JAKMIP1: variants seen among roughly 807,000 people sequenced by gnomAD.
JAKMIP1 encodes the protein janus kinase and microtubule interacting protein 1.
Under a neutral mutation model 113.0 loss-of-function variants are expected in JAKMIP1, and 33 were observed. The observed-to-expected ratio is 0.29, with a 90% CI of 0.22 to 0.39. The LOEUF is 0.39. JAKMIP1 is among the 10% of genes least tolerant of loss of function. The pLI is 1.00. For missense variants in JAKMIP1, 813 were observed against 1,080.5 expected (o/e 0.75, Z 3.47); for synonymous variants, 480 against 459.9 (o/e 1.04, Z -0.56).
chr4:6,102,548 A>T (rs1713220284), intron 3 of JAKMIP1, among the ~76,000 whole-genome samples: 1 of 152,048 alleles, frequency 6.6e-6, no homozygotes, highest in African/African-American at 2.4e-5. Flanking sequence ...TAGATCTTGG[A>T]CTTCCCAGCC....
In JAKMIP1 at chr4:6,139,532, C is replaced by G. The variant is rs1719789095; in HGVS notation, c.-147-26535G>C. ...CCTGTAACCCCAGCACTTTGGGAGG[C>G]TGAGGCAGGCGGATCACAAAGTCAG... On this transcript the variant is annotated intron_variant, in intron 1 of 20. Transcript: ENST00000409021. The surrounding 1 kb of genome is among the most constrained non-coding windows in gnomAD (Gnocchi z 5.2). Among the ~76,000 whole-genome samples the G allele has an allele frequency of 6.6e-6, 1 of 152,084 alleles. No individual in the cohort carries two copies. Among genetic ancestry groups the G allele is most frequent in the South Asian group, 2.1e-4 (1 of 4,828 alleles).
chr4:6,195,025 G>A (rs922741724), intron 1 of JAKMIP1, among the ~76,000 whole-genome samples: 6 of 152,320 alleles, frequency 3.9e-5, no homozygotes, highest in Non-Finnish European at 7.4e-5. Context: ...TTTCACCTCC[G>A]TTCTTTAGTC....
At chr4:6,105,085 A>G (rs1322986125) in intron 3 of JAKMIP1, among the ~76,000 whole-genome samples, 1 of 152,152 alleles carries the variant, frequency 6.6e-6, no homozygotes, top group African/African-American at 2.4e-5. Flanking sequence ...GACTATTTGC[A>G]ATTTATATGT....
At chr4:6,057,494 A>T (rs1343600300) in intron 11 of JAKMIP1, among the ~76,000 whole-genome samples, 2 of 152,078 alleles carry the variant, frequency 1.3e-5, no homozygotes, top group African/African-American at 2.4e-5. Flanking sequence ...AAGCACATGG[A>T]ATGCACAGAA....
rs1159816501 is a variant in JAKMIP1, at chr4:6,069,796, G to A, written c.1303-4788C>T. 2.6e-5 allele frequency among the ~76,000 whole-genome samples: 4 copies of A among 151,306 alleles called. No individual in the cohort carries two copies. The highest frequency in any genetic ancestry group is 7.3e-5 in the African/African-American group (3 of 40,986). On this transcript the variant is annotated intron_variant, in intron 8 of 20. Coordinates refer to ENST00000409021, the MANE Select transcript of JAKMIP1 (RefSeq NM_001099433.2). The surrounding 1 kb of genome is among the most constrained non-coding windows in gnomAD (Gnocchi z 4.5). The stretch of plus-strand genomic sequence containing the variant: ...ATTCAGTTTTGGCAAAATGAATGAA[G>A]AGTAAACATGTCTCCTCCATTTACA...
intron 1 of JAKMIP1, among the ~76,000 whole-genome samples, chr4:6,165,900 T>A (rs961664011): frequency 6.6e-6 from 1 of 152,006 alleles, no homozygotes; most frequent in African/African-American, 2.4e-5. Flanking sequence ...AATGAAAGGG[T>A]CAGCACCTCC....
At chr4:6,124,791 C>T (rs945886509) in intron 1 of JAKMIP1, among the ~76,000 whole-genome samples, 2 of 152,374 alleles carry the variant, frequency 1.3e-5, no homozygotes, top group African/African-American at 4.8e-5. Flanking sequence ...TTCTAACTGT[C>T]CCCAGTACTT....
Position 6,094,237 on chromosome 4 carries a change from G to T in JAKMIP1, c.625-8608C>A, listed in dbSNP as rs571181725. Among the ~76,000 whole-genome samples the T allele has an allele frequency of 1.3e-5, 2 of 152,330 alleles. No homozygotes were observed. Among genetic ancestry groups the T allele is most frequent in the Non-Finnish European group, 2.9e-5 (2 of 68,024 alleles). ...ACAATCTGTGCTAGCCCTGGGTCTA[G>T]CTCACAGCAGGTGCTCACCAAATGG... On this transcript the variant is annotated intron_variant, in intron 3 of 20. Transcript: ENST00000409021. The surrounding 1 kb of genome is among the most constrained non-coding windows in gnomAD (Gnocchi z 4.2).
At position 6,084,967 on chromosome 4, in the gene JAKMIP1, TAAAAAAA is replaced by T; in HGVS notation, c.835-9_835-3del. On this transcript the variant is annotated splice_region_variant and splice_polypyrimidine_tract_variant and intron_variant, in intron 4 of 20. Coordinates refer to ENST00000409021, the MANE Select transcript of JAKMIP1 (RefSeq NM_001099433.2). ...ATCTCGCTCGTCCATATGTTGATCC[TAAAAAAA>T]AAAAAAAAAAAAAAAAAAAAGTCAA... 1.2e-4 allele frequency: 45 copies of T among 377,432 alleles called. No individual in the cohort carries two copies. Among genetic ancestry groups the T allele is most frequent in the Non-Finnish European group, 1.3e-4 (41 of 308,126 alleles). The allele number at this position is 377,432 out of a possible 1,614,324, so 23.4% of individuals were successfully genotyped here. A position where few individuals can be genotyped will look rare whatever the true frequency, so the allele number is the denominator to read the frequency against.
rs1721506414 is a variant in JAKMIP1, at chr4:6,151,000, T to C, written c.-147-38003A>G. Among the ~76,000 whole-genome samples, 1 of 152,044 alleles carries C rather than the reference T, an allele frequency of 6.6e-6. No homozygotes were observed. The highest frequency in any genetic ancestry group is 2.4e-5 in the African/African-American group (1 of 41,396). ...GAAGGCTGCTGGGGATGGCAGCTCTTTCTCCCCAAGCTTTGGCTTCTATGT... is the reference window on the plus strand; with the variant it reads ...GAAGGCTGCTGGGGATGGCAGCTCTCTCTCCCCAAGCTTTGGCTTCTATGT... On this transcript the variant is annotated intron_variant, in intron 1 of 20. Transcript: ENST00000409021. The surrounding 1 kb of genome is among the most constrained non-coding windows in gnomAD (Gnocchi z 4.8).
intron 2 of JAKMIP1, among the ~76,000 whole-genome samples, chr4:6,111,136 C>T (rs2108886816): frequency 6.6e-6 from 1 of 152,136 alleles, no homozygotes; most frequent in Admixed American, 6.5e-5. Flanking sequence ...AGCCAGATCC[C>T]AGGCCCCAGC....
intron 17 of JAKMIP1, among the ~76,000 whole-genome samples, chr4:6,041,392 AG>A (rs1714297559): frequency 6.6e-6 from 1 of 152,158 alleles, no homozygotes; most frequent in African/African-American, 2.4e-5. Flanking sequence ...GGCATCAGTC[AG>A]GGCTCTTGCC....
chr4:6,112,598 G>C, intron 2 of JAKMIP1, 124 bp downstream of exon 2: 1 of 1,147,572 alleles, frequency 8.7e-7, no homozygotes, highest in Non-Finnish European at 1.3e-6. Flanking sequence ...GCAGGGCAGA[G>C]AGGTGAAGTG....
At position 6,036,013 on chromosome 4, in the gene JAKMIP1, T is replaced by A. The variant is rs960126376; in HGVS notation, c.2270A>T (p.Asp757Val). The A allele has an allele frequency of 3.2e-6, 5 of 1,552,158 alleles. No homozygotes were observed. Among genetic ancestry groups the A allele is most frequent in the Non-Finnish European group, 4.4e-6 (5 of 1,147,344 alleles). Residue 757 changes from aspartate to valine, a missense_variant, in exon 19 of 21, where the codon GAC (aspartate) becomes GTC (valine). By Grantham distance (152) the Asp-to-Val change is radical. Coordinates refer to ENST00000409021, the MANE Select transcript of JAKMIP1 (RefSeq NM_001099433.2). ...CACCTTTTCCACAGCAGCCTGCAGG[T>A]CCTCCCGCTGGCCCTCGCTCAGCGC... ...GEALSEGQRE[D>V]LQAAVEKVRR...
At position 6,182,813 on chromosome 4, in the gene JAKMIP1, A is replaced by G. The variant is rs939324131; in HGVS notation, c.-148+17440T>C. 6.3e-4 allele frequency among the ~76,000 whole-genome samples: 96 copies of G among 152,282 alleles called. 1 individual carries two copies. Among genetic ancestry groups the G allele is most frequent in the African/African-American group, 2.3e-3 (94 of 41,564 alleles). ...ACAGTGTGAGTTTCGGAAACATATC[A>G]CCGTTTCTAGATACAACTGCTCCTT... On this transcript the variant is annotated intron_variant, in intron 1 of 20. Transcript: ENST00000409021.
At chr4:6,091,059 G>A (rs985136889) in intron 3 of JAKMIP1, among the ~76,000 whole-genome samples, 2 of 152,208 alleles carry the variant, frequency 1.3e-5, no homozygotes, top group Admixed American at 6.5e-5. Context: ...ATCCAAGCCA[G>A]CTGACAAAGA....
chr4:6,132,647 TA>T (rs71646639), intron 1 of JAKMIP1, among the ~76,000 whole-genome samples: 45 of 118,004 alleles, frequency 3.8e-4, no homozygotes, highest in Admixed American at 5.6e-4. Flanking sequence ...GCCTCAAAAA[TA>T]AAAAAAAAAA....
At position 6,138,090 on chromosome 4, in the gene JAKMIP1, A is replaced by G. The variant is rs1719524179; in HGVS notation, c.-147-25093T>C. ...CTGGGGGTCAAGCCTAAGCCCAGACAAGACTCTGCTCCCTGACCTTCCACT... is the reference window on the plus strand; with the variant it reads ...CTGGGGGTCAAGCCTAAGCCCAGACGAGACTCTGCTCCCTGACCTTCCACT... On this transcript the variant is annotated intron_variant, in intron 1 of 20. Transcript: ENST00000409021. The surrounding 1 kb of genome is among the most constrained non-coding windows in gnomAD (Gnocchi z 6.0). Among the ~76,000 whole-genome samples the G allele has an allele frequency of 6.6e-6, 1 of 152,090 alleles. No homozygotes were observed. Among genetic ancestry groups the G allele is most frequent in the South Asian group, 2.1e-4 (1 of 4,804 alleles).
intron 8 of JAKMIP1, among the ~76,000 whole-genome samples, chr4:6,068,198 G>T (rs1718445440): frequency 6.6e-6 from 1 of 152,180 alleles, no homozygotes; most frequent in African/African-American, 2.4e-5. Flanking sequence ...AGGACTGCTA[G>T]TTAAGGACTC....
Sources: allele counts gnomAD v4.1 joint callset (sites outside exome capture counted in the v4.1 genomes callset), GRCh38; gene constraint gnomAD v4.1.1; non-coding constraint Gnocchi (gnomAD v3.1); transcripts MANE v1.5; gene names NCBI Gene and HGNC (gene_info 2026-07-23, HGNC 2026-07-21).